The following CFAP141 variants were observed in gnomAD, a reference collection of about 807,000 sequenced individuals.
CFAP141 encodes cilia- and flagella-associated protein 141.
the CFAP141 span, among the ~76,000 whole-genome samples, chr1:154,202,780 G>A: frequency 2.0e-5 from 3 of 150,646 alleles, no homozygotes; most frequent in Admixed American, 6.6e-5. Context: ...CAGCCTGGGC[G>A]ACAGAGCAAG....
chr1:154,199,393 T>C, the CFAP141 span: 1 of 1,419,968 alleles, frequency 7.0e-7, no homozygotes, highest in Non-Finnish European at 9.8e-7. Flanking sequence ...TTAGCAGGCA[T>C]GTTGAGAATG....
chr1:154,203,183 A>G, the CFAP141 span, among the ~76,000 whole-genome samples: 3 of 8,012 alleles, frequency 3.7e-4, no homozygotes, highest in African/African-American at 4.6e-3. Flanking sequence ...ATATATATAT[A>G]TATATATATA....
chr1:154,200,505 T>C, the CFAP141 span: 1 of 1,614,200 alleles, frequency 6.2e-7, no homozygotes, highest in South Asian at 1.1e-5. Flanking sequence ...TACCATGGTG[T>C]CCTGCATCCT....
the CFAP141 span, among the ~76,000 whole-genome samples, chr1:154,204,127 T>A: frequency 6.7e-6 from 1 of 148,518 alleles, no homozygotes; most frequent in East Asian, 1.9e-4. Flanking sequence ...ATAAAAGCAA[T>A]AGTCATGAAC....
chr1:154,206,276 T>TC, the CFAP141 span: 18 of 1,613,954 alleles, frequency 1.1e-5, no homozygotes, highest in Non-Finnish European at 1.4e-5. Flanking sequence ...TCTGCATACC[T>TC]CTTCTACTTT....
At chr1:154,199,448 A>C in the CFAP141 span, 30 of 1,611,866 alleles carry the variant, frequency 1.9e-5, no homozygotes, top group African/African-American at 3.9e-4. Context: ...CTACATAAAA[A>C]GCTTTGCCCA....
At chr1:154,206,269 G>T in the CFAP141 span, 1 of 1,613,668 alleles carries the variant, frequency 6.2e-7, no homozygotes, top group Non-Finnish European at 8.5e-7. Context: ...TTCCAACTCT[G>T]CATACCTCTT....
At chr1:154,200,685 C>CT in the CFAP141 span, 2 of 1,368,012 alleles carry the variant, frequency 1.5e-6, no homozygotes, top group African/African-American at 1.5e-5. Flanking sequence ...TTTTCTTTTT[C>CT]TTTTCTTTTT....
chr1:154,202,510 A>G, the CFAP141 span, among the ~76,000 whole-genome samples: 2 of 152,182 alleles, frequency 1.3e-5, no homozygotes, highest in East Asian at 1.9e-4. Context: ...ACAGAAATAC[A>G]TTAAGTGAGG....
At chr1:154,205,517 G>A in the CFAP141 span, 1 of 1,256,220 alleles carries the variant, frequency 8.0e-7, no homozygotes. Flanking sequence ...AGATGCAGCA[G>A]AGTTGGGAGG....
At chr1:154,199,197 T>C in the CFAP141 span, among the ~76,000 whole-genome samples, 1 of 148,924 alleles carries the variant, frequency 6.7e-6, no homozygotes, top group Admixed American at 6.7e-5. Context: ...AATCCCACTA[T>C]GACCACAAGG....
the CFAP141 span, among the ~76,000 whole-genome samples, chr1:154,202,773 C>A: frequency 6.6e-6 from 1 of 151,470 alleles, no homozygotes; most frequent in Non-Finnish European, 1.5e-5. Flanking sequence ...TGCACTCCAG[C>A]CTGGGCGACA....
chr1:154,204,070 A>G, the CFAP141 span, among the ~76,000 whole-genome samples: 1 of 152,128 alleles, frequency 6.6e-6, no homozygotes, highest in South Asian at 2.1e-4. Context: ...CAGCATGGGC[A>G]ACAAGAGCGA....
At chr1:154,203,135 T>A in the CFAP141 span, among the ~76,000 whole-genome samples, 1 of 100,114 alleles carries the variant, frequency 1.0e-5, no homozygotes, top group South Asian at 3.7e-4. Flanking sequence ...AGACTCTGCC[T>A]CAAAAAAAAA....
At chr1:154,203,112 C>A in the CFAP141 span, among the ~76,000 whole-genome samples, 10 of 134,754 alleles carry the variant, frequency 7.4e-5, no homozygotes, top group Middle Eastern at 7.7e-3. Flanking sequence ...TGGAGTAAGA[C>A]TCTGTCTTAG....
At chr1:154,202,219 T>C in the CFAP141 span, among the ~76,000 whole-genome samples, 3 of 152,082 alleles carry the variant, frequency 2.0e-5, no homozygotes, top group Non-Finnish European at 4.4e-5. Context: ...ATTACAGGCG[T>C]AAGCCACCAT....
chr1:154,205,665 C>G, the CFAP141 span: 1 of 1,608,336 alleles, frequency 6.2e-7, no homozygotes, highest in East Asian at 2.2e-5. Context: ...TTCTGTTGAT[C>G]TGCCTCAGTC....
the CFAP141 span, chr1:154,199,475 C>A: frequency 6.2e-7 from 1 of 1,613,428 alleles, no homozygotes; most frequent in Non-Finnish European, 8.5e-7. Flanking sequence ...TTAGTTCCTG[C>A]TGGTACTGCT....
the CFAP141 span, among the ~76,000 whole-genome samples, chr1:154,203,694 A>G: frequency 2.0e-5 from 3 of 152,084 alleles, no homozygotes; most frequent in African/African-American, 7.2e-5. Flanking sequence ...TGGGATTACA[A>G]GTATGAGCCA....
Sources: allele counts gnomAD v4.1 joint callset (sites outside exome capture counted in the v4.1 genomes callset), GRCh38; gene constraint gnomAD v4.1.1; transcripts MANE v1.5; gene names NCBI Gene and HGNC (gene_info 2026-07-23, HGNC 2026-07-21).